DGKB: variants seen among roughly 807,000 people sequenced by gnomAD.
DGKB encodes 90 kDa diacylglycerol kinase.
In DGKB, 67 loss-of-function variants were observed where a neutral mutation model predicts 114.3. The observed-to-expected ratio is 0.59, with a 90% confidence interval of 0.48 to 0.72. The LOEUF (loss-of-function observed/expected upper bound fraction) is 0.72. Among genes scored for constraint, DGKB ranks in the 30% least tolerant of loss-of-function variants. The pLI, the probability that DGKB is intolerant of heterozygous loss-of-function variation, is 0.00. For synonymous variants in DGKB, 398 were observed against 323.1 expected (o/e 1.23, Z -2.49); for missense variants, 907 against 975.2 (o/e 0.93, Z 0.93).
intron 1 of DGKB, among the ~76,000 whole-genome samples, chr7:14,861,262 T>C (rs1850937113): frequency 6.6e-6 from 1 of 152,000 alleles, no homozygotes; most frequent in African/African-American, 2.4e-5. Flanking sequence ...TTCTGCTCAG[T>C]TATATGTTCA....
chr7:14,286,234 C>T (rs1010672393), intron 23 of DGKB, among the ~76,000 whole-genome samples: 4 of 152,088 alleles, frequency 2.6e-5, no homozygotes, highest in Non-Finnish European at 5.9e-5. Context: ...TTGCCCAGGG[C>T]TATGTCATTT....
chr7:14,857,413 C>T (rs1237217730), intron 1 of DGKB, among the ~76,000 whole-genome samples: 1 of 152,094 alleles, frequency 6.6e-6, no homozygotes, highest in Non-Finnish European at 1.5e-5. Context: ...CCCACAGACA[C>T]TTCGATTTCA....
At chr7:14,532,754 G>A (rs1364024647) in intron 20 of DGKB, among the ~76,000 whole-genome samples, 1 of 151,594 alleles carries the variant, frequency 6.6e-6, no homozygotes, top group African/African-American at 2.4e-5. Context: ...AAGACATGGA[G>A]TCCTAAACAT....
chr7:14,833,191 A>G (rs1224295050), intron 2 of DGKB, among the ~76,000 whole-genome samples: 1 of 152,058 alleles, frequency 6.6e-6, no homozygotes, highest in Non-Finnish European at 1.5e-5. Context: ...CCACATATTC[A>G]ATAGGCTGCC....
chr7:14,938,277 A>G (rs1311549207), intron 1 of DGKB, among the ~76,000 whole-genome samples: 2 of 152,188 alleles, frequency 1.3e-5, no homozygotes, highest in East Asian at 3.9e-4. Context: ...ATGGCTCTGA[A>G]TATAATTTTA....
At chr7:14,852,487 C>CAAACAAA (rs1849497636) in intron 1 of DGKB, among the ~76,000 whole-genome samples, 2 of 63,634 alleles carry the variant, frequency 3.1e-5, no homozygotes, top group African/African-American at 6.7e-5. Flanking sequence ...TAGTGAAAGT[C>CAAACAAA]AAAAAAAAAA....
At chr7:14,959,427 A>C (rs1318208957) in intron 1 of DGKB, among the ~76,000 whole-genome samples, 1 of 151,324 alleles carries the variant, frequency 6.6e-6, no homozygotes, top group Non-Finnish European at 1.5e-5. Flanking sequence ...TTTAGATGGG[A>C]GGGGAGTTAT....
intron 21 of DGKB, among the ~76,000 whole-genome samples, chr7:14,355,706 G>A (rs1053373486): frequency 3.3e-5 from 5 of 152,046 alleles, no homozygotes; most frequent in African/African-American, 7.2e-5. Flanking sequence ...CTTTTGCATC[G>A]ATCTTCATCA....
intron 13 of DGKB, among the ~76,000 whole-genome samples, chr7:14,638,831 G>C (rs926140877): frequency 6.6e-6 from 1 of 152,060 alleles, no homozygotes; most frequent in East Asian, 1.9e-4. Context: ...CATCTGAGGA[G>C]TTTGAGACCA....
chr7:14,453,393 T>C (rs1468919653), intron 21 of DGKB, among the ~76,000 whole-genome samples: 1 of 152,158 alleles, frequency 6.6e-6, no homozygotes, highest in Non-Finnish European at 1.5e-5. Context: ...GGGACTAGTT[T>C]GCTCCAGAGT....
At chr7:14,488,875 C>A (rs549095091) in intron 20 of DGKB, among the ~76,000 whole-genome samples, 1 of 149,280 alleles carries the variant, frequency 6.7e-6, no homozygotes, top group African/African-American at 2.5e-5. Flanking sequence ...ACAACAACAA[C>A]AACAACAACA....
chr7:14,278,060 T>C (rs1269366654), intron 23 of DGKB, among the ~76,000 whole-genome samples: 1 of 152,230 alleles, frequency 6.6e-6, no homozygotes, highest in Non-Finnish European at 1.5e-5. Context: ...TGGTCATTTG[T>C]ATGTCTTCTT....
chr7:14,959,164 TCA>T (rs66524634), intron 1 of DGKB, among the ~76,000 whole-genome samples: 17,651 of 152,122 alleles, frequency 0.12, 1,353 homozygotes, highest in Non-Finnish European at 0.18. Flanking sequence ...TACCATTTGT[TCA>T]GTTATTTTAT....
At chr7:14,279,640 C>A (rs1288664415) in intron 23 of DGKB, among the ~76,000 whole-genome samples, 1 of 152,098 alleles carries the variant, frequency 6.6e-6, no homozygotes, top group East Asian at 1.9e-4. Flanking sequence ...GTCTGATGGG[C>A]TTCCCTTTGA....
chr7:14,650,145 C>T, intron 13 of DGKB, among the ~76,000 whole-genome samples: 1 of 143,350 alleles, frequency 7.0e-6, no homozygotes, highest in Non-Finnish European at 1.5e-5. Flanking sequence ...ACCAAGTGGA[C>T]CTAATAGACA....
intron 21 of DGKB, among the ~76,000 whole-genome samples, chr7:14,476,837 C>G (rs548273989): frequency 2.0e-5 from 3 of 151,222 alleles, no homozygotes; most frequent in African/African-American, 7.3e-5. Flanking sequence ...TCACTGCAAC[C>G]TCCGCCTCCA....
intron 10 of DGKB, among the ~76,000 whole-genome samples, chr7:14,683,503 T>A (rs1821179817): frequency 6.6e-6 from 1 of 152,160 alleles, no homozygotes; most frequent in African/African-American, 2.4e-5. Flanking sequence ...TATGTATATA[T>A]ATAATACGTG....
chr7:14,235,697 A>G (rs1484259064), intron 23 of DGKB, among the ~76,000 whole-genome samples: 1 of 152,080 alleles, frequency 6.6e-6, no homozygotes, highest in Non-Finnish European at 1.5e-5. Flanking sequence ...GAAAATGGCA[A>G]CTTTTCCCAA....
At chr7:14,239,489 T>C (rs571192237) in intron 23 of DGKB, among the ~76,000 whole-genome samples, 6 of 152,196 alleles carry the variant, frequency 3.9e-5, no homozygotes, top group Admixed American at 3.9e-4. Context: ...TTTCAAGCAA[T>C]GAAGTCATAG....
Sources: allele counts gnomAD v4.1 joint callset (sites outside exome capture counted in the v4.1 genomes callset), GRCh38; gene constraint gnomAD v4.1.1; transcripts MANE v1.5; gene names NCBI Gene and HGNC (gene_info 2026-07-23, HGNC 2026-07-21).